PCDH7: variants seen among roughly 807,000 people sequenced by gnomAD.
The protein encoded by PCDH7 is protocadherin 7.
In PCDH7, 17 loss-of-function variants were observed where a neutral mutation model predicts 58.9. The ratio of observed to expected loss-of-function variants is 0.29; its 90% CI spans 0.20 to 0.43. The LOEUF (loss-of-function observed/expected upper bound fraction) is 0.43. PCDH7 is among the 20% of genes least tolerant of loss of function. The pLI is 1.00. For synonymous variants in PCDH7, 664 were observed against 616.4 expected (o/e 1.08, Z -1.14); for missense variants, 1,274 against 1,441.0 (o/e 0.88, Z 1.88).
Position 30,724,839 on chromosome 4 carries a change from G to C in PCDH7, c.3174+243G>C, listed in dbSNP as rs374309691. Reference sequence around the variant, plus strand: ...CTGAAAGAAGTATTCAGAGTAGGCAGTGTTTGGCAGTTCTCTTTGCACTTG... The same window carrying C: ...CTGAAAGAAGTATTCAGAGTAGGCACTGTTTGGCAGTTCTCTTTGCACTTG... On this transcript the variant is annotated intron_variant, in intron 1 of 1. Coordinates refer to ENST00000361762, the Ensembl canonical transcript of PCDH7. The C allele has an allele frequency of 1.2e-5, 16 of 1,317,090 alleles. No homozygotes were observed. The East Asian group carries it at 2.0e-4, about 17-fold the overall frequency. The allele number at this position is 1,317,090 out of a possible 1,614,324, so 81.6% of individuals were successfully genotyped here. A position where few individuals can be genotyped will look rare whatever the true frequency, so the allele number is the denominator to read the frequency against.
intron 3 of PCDH7, among the ~76,000 whole-genome samples, chr4:30,997,549 G>A (rs1752011483): frequency 6.6e-6 from 1 of 152,112 alleles, no homozygotes; most frequent in Non-Finnish European, 1.5e-5. Context: ...ATGAGGTGTT[G>A]ATCAAGGCAA....
At chr4:30,958,487 AAAT>A (rs1423333377) in intron 3 of PCDH7, among the ~76,000 whole-genome samples, 2 of 152,038 alleles carry the variant, frequency 1.3e-5, no homozygotes, top group Non-Finnish European at 2.9e-5. Flanking sequence ...AAGGTGATTC[AAAT>A]AATAACATTA....
chr4:30,885,465 T>C (rs1000553027), intron 1 of PCDH7, among the ~76,000 whole-genome samples: 8 of 152,172 alleles, frequency 5.3e-5, no homozygotes, highest in African/African-American at 1.9e-4. Flanking sequence ...ATGTGAGTGT[T>C]AGTTATTTCT....
chr4:30,969,680 G>A (rs1457158364), intron 3 of PCDH7, among the ~76,000 whole-genome samples: 1 of 152,164 alleles, frequency 6.6e-6, no homozygotes, highest in Non-Finnish European at 1.5e-5. Flanking sequence ...GAGACAGAGA[G>A]AGAAAGAGAA....
chr4:30,847,139 T>TAAA (rs569982144), intron 1 of PCDH7, among the ~76,000 whole-genome samples: 15 of 147,788 alleles, frequency 1.0e-4, no homozygotes, highest in Non-Finnish European at 1.9e-4. Flanking sequence ...AATAAATAAG[T>TAAA]AAAAAAAAAA....
At chr4:31,049,343 T>C (rs1247746245) in intron 3 of PCDH7, among the ~76,000 whole-genome samples, 1 of 152,096 alleles carries the variant, frequency 6.6e-6, no homozygotes, top group Non-Finnish European at 1.5e-5. Flanking sequence ...TATAACCCAT[T>C]TCTTCCAAGT....
intron 3 of PCDH7, among the ~76,000 whole-genome samples, chr4:31,069,550 C>A (rs1758368893): frequency 6.6e-6 from 1 of 151,966 alleles, no homozygotes; most frequent in Non-Finnish European, 1.5e-5. Context: ...TATTGCAATA[C>A]ATTTCCTCCA....
intron 1 of PCDH7, among the ~76,000 whole-genome samples, chr4:30,880,753 A>G (rs1736859212): frequency 1.3e-5 from 2 of 152,212 alleles, no homozygotes; most frequent in South Asian, 4.1e-4. Context: ...GAAACAAAAA[A>G]TAATATAGAG....
intron 1 of PCDH7, among the ~76,000 whole-genome samples, chr4:30,808,923 G>T (rs1251727225): frequency 1.3e-5 from 2 of 151,998 alleles, no homozygotes; most frequent in Admixed American, 1.3e-4. Flanking sequence ...GCTACTATTT[G>T]TAACCCACTT....
At chr4:30,923,076 G>T (rs6840698) in intron 2 of PCDH7, among the ~76,000 whole-genome samples, 6 of 151,876 alleles carry the variant, frequency 4.0e-5, no homozygotes, top group African/African-American at 1.5e-4. Flanking sequence ...TTTTAATCAG[G>T]ATTTGTATTG....
intron 1 of PCDH7, among the ~76,000 whole-genome samples, chr4:30,892,477 A>G (rs541050043): frequency 5.9e-5 from 9 of 152,130 alleles, no homozygotes; most frequent in African/African-American, 2.2e-4. Context: ...AGGCATTAAG[A>G]CTTATTGGAA....
chr4:30,729,618 G>T (rs961252720), intron 1 of PCDH7, among the ~76,000 whole-genome samples: 3 of 151,828 alleles, frequency 2.0e-5, no homozygotes, highest in Non-Finnish European at 2.9e-5. Flanking sequence ...AAATAGAAAA[G>T]AATTAAAACA....
At chr4:31,110,913 TA>T (rs781688769) in intron 3 of PCDH7, among the ~76,000 whole-genome samples, 2,373 of 126,914 alleles carry the variant, frequency 0.019, 16 homozygotes, top group Middle Eastern at 0.03. Context: ...AGACTATGTC[TA>T]AAAAAAAAAA....
At chr4:31,103,845 C>T (rs1332108997) in intron 3 of PCDH7, among the ~76,000 whole-genome samples, 1 of 152,180 alleles carries the variant, frequency 6.6e-6, no homozygotes, top group Non-Finnish European at 1.5e-5. Context: ...GATTTCTAAG[C>T]ATAGCACTGA....
At chr4:30,975,000 C>T (rs1351938678) in intron 3 of PCDH7, among the ~76,000 whole-genome samples, 1 of 152,040 alleles carries the variant, frequency 6.6e-6, no homozygotes, top group Non-Finnish European at 1.5e-5. Context: ...AGGAGATAAC[C>T]GTATTGTAGT....
At position 30,720,818 on chromosome 4, in the gene PCDH7, C is replaced by G. The variant is rs1713379080; in HGVS notation, c.-605C>G. ...GACTGGCTTGTTGCTGGCCCCAGCG[C>G]CTGGTGCAGGAAGCGACTCACGTTT... On this transcript the variant is annotated 5_prime_UTR_variant, in exon 1 of 2. Coordinates refer to ENST00000361762, the Ensembl canonical transcript of PCDH7. The surrounding 1 kb of genome is among the most constrained non-coding windows in gnomAD (Gnocchi z 4.7). 6.5e-6 allele frequency: 1 copy of G among 153,030 alleles called. No individual in the cohort carries two copies. The highest frequency in any genetic ancestry group is 6.5e-5 in the Admixed American group (1 of 15,288). 9.5% of individuals were successfully genotyped at this position (153,030 alleles called of 1,614,324 possible).
intron 1 of PCDH7, among the ~76,000 whole-genome samples, chr4:30,804,203 A>G (rs891424042): frequency 1.4e-4 from 21 of 152,180 alleles, no homozygotes; most frequent in African/African-American, 4.8e-4. Flanking sequence ...GTAGAGAGGA[A>G]GACATTTACC....
At chr4:30,921,201 T>C (rs543460346) in intron 2 of PCDH7, among the ~76,000 whole-genome samples, 93 of 152,262 alleles carry the variant, frequency 6.1e-4, no homozygotes, top group African/African-American at 2.1e-3. Flanking sequence ...AATAATGGAA[T>C]GGTAAAATTC....
At chr4:31,117,464 G>A (rs1717140537) in intron 3 of PCDH7, among the ~76,000 whole-genome samples, 1 of 140,874 alleles carries the variant, frequency 7.1e-6, no homozygotes, top group Admixed American at 7.0e-5. Context: ...TTAGAATTCA[G>A]AGACATAGTT....
Sources: allele counts gnomAD v4.1 joint callset (sites outside exome capture counted in the v4.1 genomes callset), GRCh38; gene constraint gnomAD v4.1.1; non-coding constraint Gnocchi (gnomAD v3.1); transcripts MANE v1.5; gene names NCBI Gene and HGNC (gene_info 2026-07-23, HGNC 2026-07-21).